CSMD1: variants seen among roughly 807,000 people sequenced by gnomAD.
CSMD1 encodes CUB and sushi domain-containing protein 1.
CSMD1 carries 213 observed loss-of-function variants against 417.5 expected under a neutral mutation model. The observed-to-expected ratio is 0.51, with a 90% CI of 0.46 to 0.57. The LOEUF (loss-of-function observed/expected upper bound fraction) is 0.57. CSMD1 is among the 20% of genes least tolerant of loss of function. The pLI, the probability that CSMD1 is intolerant of heterozygous loss-of-function variation, is 0.00. For synonymous variants in CSMD1, 2,862 were observed against 1,736.8 expected, an observed-to-expected ratio of 1.65 and a Z score of -16.11; for missense variants, 6,923 against 4,529.7, an observed-to-expected ratio of 1.53 and a Z score of -15.17.
intron 5 of CSMD1, among the ~76,000 whole-genome samples, chr8:3,931,943 G>A (rs550792461): frequency 1.3e-5 from 2 of 149,100 alleles, no homozygotes; most frequent in East Asian, 4.0e-4. Flanking sequence ...TGTAGCTGTA[G>A]AATCTAAAAA....
intron 41 of CSMD1, among the ~76,000 whole-genome samples, chr8:3,130,937 T>A (rs1272491101): frequency 6.6e-6 from 1 of 152,218 alleles, no homozygotes; most frequent in Non-Finnish European, 1.5e-5. Flanking sequence ...ATCTACATTG[T>A]ACCAGATTAG....
At chr8:4,896,949 G>T (rs1412606043) in intron 1 of CSMD1, among the ~76,000 whole-genome samples, 1 of 152,068 alleles carries the variant, frequency 6.6e-6, no homozygotes, top group Non-Finnish European at 1.5e-5. Flanking sequence ...CAAACCCAAG[G>T]AAGGGCTCTC....
chr8:4,776,583 T>A (rs1220208879), intron 1 of CSMD1, among the ~76,000 whole-genome samples: 3 of 152,158 alleles, frequency 2.0e-5, no homozygotes, highest in Non-Finnish European at 4.4e-5. Flanking sequence ...CACTTCTGCA[T>A]AAACGTTCGC....
chr8:3,243,656 T>G (rs1799690792), intron 26 of CSMD1, among the ~76,000 whole-genome samples: 1 of 152,074 alleles, frequency 6.6e-6, no homozygotes, highest in South Asian at 2.1e-4. Flanking sequence ...CATCTGGATG[T>G]GTACATGCAG....
intron 3 of CSMD1, among the ~76,000 whole-genome samples, chr8:4,164,757 T>C (rs1232952435): frequency 6.6e-6 from 1 of 152,026 alleles, no homozygotes; most frequent in African/African-American, 2.4e-5. Context: ...GTGCCTGTAG[T>C]CCTAGCTACC....
intron 3 of CSMD1, among the ~76,000 whole-genome samples, chr8:4,294,014 A>G (rs1797527449): frequency 6.6e-6 from 1 of 152,218 alleles, no homozygotes. Context: ...GTTTTAGGAT[A>G]AGAATCAGGA....
intron 3 of CSMD1, among the ~76,000 whole-genome samples, chr8:4,144,511 G>A (rs1171169409): frequency 6.6e-6 from 1 of 151,024 alleles, no homozygotes; most frequent in Non-Finnish European, 1.5e-5. Context: ...CAGTCTAAAT[G>A]CTTCACCTCA....
At chr8:4,278,143 G>A (rs1353948080) in intron 3 of CSMD1, among the ~76,000 whole-genome samples, 1 of 152,092 alleles carries the variant, frequency 6.6e-6, no homozygotes, top group African/African-American at 2.4e-5. Context: ...TTCCACCAAA[G>A]AGAAGAATCT....
intron 5 of CSMD1, among the ~76,000 whole-genome samples, chr8:3,808,867 T>C (rs1563101637): frequency 6.6e-6 from 1 of 152,148 alleles, no homozygotes; most frequent in African/African-American, 2.4e-5. Flanking sequence ...TAGGTCTCAA[T>C]GAGAATTCTG....
chr8:3,871,018 A>G (rs981429058), intron 5 of CSMD1, among the ~76,000 whole-genome samples: 1 of 152,058 alleles, frequency 6.6e-6, no homozygotes, highest in African/African-American at 2.4e-5. Context: ...TTTTTTAAAA[A>G]AATTCAATAC....
chr8:3,694,546 G>C (rs1042921749), intron 7 of CSMD1, among the ~76,000 whole-genome samples: 16 of 151,954 alleles, frequency 1.1e-4, no homozygotes, highest in African/African-American at 2.9e-4. Context: ...AGATCCCCAG[G>C]TTCAGGTTCA....
intron 50 of CSMD1, among the ~76,000 whole-genome samples, chr8:3,031,859 ATC>A (rs199734325): frequency 0.017 from 1,803 of 108,938 alleles, 31 homozygotes; most frequent in African/African-American, 0.058. Context: ...ATTTGCTCAC[ATC>A]TCTCTTTTTT....
Position 3,475,497 on chromosome 8 carries a change from G to A in CSMD1, c.1449-6673C>T, listed in dbSNP as rs187356349. Among the ~76,000 whole-genome samples, 1,039 of 152,264 alleles carry A rather than the reference G, an allele frequency of 6.8e-3. 11 individuals carry two copies. Among genetic ancestry groups the A allele is most frequent in the South Asian group, 0.015 (71 of 4,826 alleles). On this transcript the variant is annotated intron_variant, in intron 11 of 69. Transcript: ENST00000635120. The stretch of plus-strand genomic sequence containing the variant: ...CAGCATACCAAGGGCTTAACATTTG[G>A]AGTTCTGTGATGGCTCTGTCATTAA...
intron 5 of CSMD1, among the ~76,000 whole-genome samples, chr8:3,808,943 AG>A (rs1800906535): frequency 6.6e-6 from 1 of 152,132 alleles, no homozygotes; most frequent in South Asian, 2.1e-4. Context: ...TGCTATGTAG[AG>A]GGGTCGTTTG....
At position 4,090,128 on chromosome 8, in the gene CSMD1, T is replaced by C. The variant is rs566812996; in HGVS notation, c.416-58029A>G. 5.9e-5 allele frequency among the ~76,000 whole-genome samples: 9 copies of C among 152,348 alleles called. No individual in the cohort carries two copies. The South Asian group carries it at 1.9e-3, about 32-fold the overall frequency. Reference sequence around the variant, plus strand: ...TGCTATGTTTAACTCTGGAAGCTCATCATTAATAGAATACAGTCTTAATTG... The same window carrying C: ...TGCTATGTTTAACTCTGGAAGCTCACCATTAATAGAATACAGTCTTAATTG... On this transcript the variant is annotated intron_variant, in intron 3 of 69. Coordinates refer to ENST00000635120, the MANE Select transcript of CSMD1 (RefSeq NM_033225.6).
At chr8:4,556,750 A>T (rs1301203904) in intron 2 of CSMD1, among the ~76,000 whole-genome samples, 4 of 152,228 alleles carry the variant, frequency 2.6e-5, no homozygotes, top group African/African-American at 9.6e-5. Flanking sequence ...GCAAAGTCGA[A>T]AACCTCAAAT....
rs553024906 is a variant in CSMD1, at chr8:3,289,251, C to T, written c.3951-4905G>A. Among the ~76,000 whole-genome samples, 8 of 146,782 alleles carry T rather than the reference C, an allele frequency of 5.5e-5. 1 individual carries two copies. The highest frequency in any genetic ancestry group is 2.0e-4 in the East Asian group (1 of 5,082). On this transcript the variant is annotated intron_variant, in intron 25 of 69. Coordinates refer to ENST00000635120, the MANE Select transcript of CSMD1 (RefSeq NM_033225.6). ...TTGTTGGACATTTAGGTTGGTTCCA[C>T]GTCTTTGCTATTGTGAATAGTGCCG... is the stretch of plus-strand genomic sequence containing the variant.
chr8:3,004,791 G>C (rs550586912), intron 52 of CSMD1, among the ~76,000 whole-genome samples: 1 of 152,136 alleles, frequency 6.6e-6, no homozygotes, highest in African/African-American at 2.4e-5. Context: ...GAATGAAATG[G>C]TCTGCTCCAG....
chr8:3,397,115 C>T (rs1382159153), intron 16 of CSMD1, among the ~76,000 whole-genome samples: 5 of 152,060 alleles, frequency 3.3e-5, no homozygotes, highest in African/African-American at 9.7e-5. Context: ...ATGTAGGTAC[C>T]ACTCCAGGCA....
Sources: allele counts gnomAD v4.1 joint callset (sites outside exome capture counted in the v4.1 genomes callset), GRCh38; gene constraint gnomAD v4.1.1; transcripts MANE v1.5; gene names NCBI Gene and HGNC (gene_info 2026-07-23, HGNC 2026-07-21).